SUPT6H: variants seen among roughly 807,000 people sequenced by gnomAD.
SUPT6H encodes the protein SPT6 homolog, histone chaperone and transcription elongation factor, also known as transcription elongation factor SPT6.
In SUPT6H, 11 loss-of-function variants were observed where a neutral mutation model predicts 222.3. The ratio of observed to expected loss-of-function variants is 0.05; its 90% CI spans 0.03 to 0.08. The LOEUF (loss-of-function observed/expected upper bound fraction) is 0.08. SUPT6H is among the 10% of genes least tolerant of loss of function. The pLI is 1.00. For synonymous variants in SUPT6H, 762 were observed against 801.2 expected (o/e 0.95, Z 0.83); for missense variants, 1,422 against 2,216.0 (o/e 0.64, Z 7.19).
chr17:28,663,599 C>T (rs912711088), intron 1 of SUPT6H, among the ~76,000 whole-genome samples: 15 of 152,072 alleles, frequency 9.9e-5, no homozygotes, highest in Non-Finnish European at 5.9e-5. Flanking sequence ...TCCTTGTCTT[C>T]CTTCCTGTCC....
Position 28,674,551 on chromosome 17 carries a change from C to T in SUPT6H, c.283C>T (p.Arg95Cys), listed in dbSNP as rs904602955. The T allele has an allele frequency of 3.7e-6, 6 of 1,613,986 alleles. No homozygotes were observed. Among genetic ancestry groups the T allele is most frequent in the East Asian group, 2.2e-5 (1 of 44,894 alleles). The change falls in exon 4 of 37, where the codon CGC becomes TGC. Residue 95 changes from arginine to cysteine, a missense_variant. By Grantham distance (180) the Arg-to-Cys change is radical. Around this residue, in one of 13 missense-constraint regions of SUPT6H, gnomAD observed 89 missense variants for 118.9 expected, o/e 0.75. Coordinates refer to ENST00000314616, the MANE Select transcript of SUPT6H (RefSeq NM_003170.5). ...KKRKRTSFDD[R>C]LEDDDFDLIE... is the part of the protein sequence containing the mutation. ...TGTTTCTTCAGCCTCTTTTGATGAC[C>T]GCCTGGAGGATGATGATTTTGACCT...
Position 28,676,318 on chromosome 17 carries a change from G to A in SUPT6H, c.785G>A (p.Arg262His), listed in dbSNP as rs771938073. 9.3e-6 allele frequency: 15 copies of A among 1,613,824 alleles called. No individual in the cohort carries two copies. In the African/African-American group the frequency reaches 9.3e-5, roughly 10 times the overall value. The change falls in exon 7 of 37, where the codon CGT (arginine) becomes CAT (histidine). Residue 262 changes from arginine (R) to histidine (H), a missense_variant. This residue lies in a region of SUPT6H where 389 missense variants were observed against 544.6 expected (regional missense o/e 0.71). Coordinates refer to ENST00000314616, the MANE Select transcript of SUPT6H (RefSeq NM_003170.5). ...CGCCCCAAGAAGACCACCAAGAAGC[G>A]TGTGAGCCGTAGGAGCATCTTTGAA... The part of the protein sequence containing the change: ...RVRPKKTTKK[R>H]VSRRSIFEMY...
intron 1 of SUPT6H, among the ~76,000 whole-genome samples, chr17:28,665,189 C>T (rs2029941687): frequency 6.6e-6 from 1 of 152,172 alleles, no homozygotes; most frequent in African/African-American, 2.4e-5. Context: ...GCTCTAGTGC[C>T]ATCAGCCTCA....
chr17:28,678,524 G>A (rs1411729960), intron 9 of SUPT6H, 21 bp from the exon 10 acceptor site: 5 of 1,610,076 alleles, frequency 3.1e-6, no homozygotes, highest in South Asian at 1.1e-5. Flanking sequence ...CTGAGTGACT[G>A]CAGTCTCTTT....
chr17:28,674,136 T>C, intron 2 of SUPT6H, 147 bp from the exon 3 acceptor site: 1 of 880,126 alleles, frequency 1.1e-6, no homozygotes, highest in Non-Finnish European at 1.7e-6. Flanking sequence ...TCAATGGCTA[T>C]GTTTTGCATC....
chr17:28,686,301 C>T, intron 19 of SUPT6H, 38 bp from the exon 20 acceptor site: 1 of 1,581,484 alleles, frequency 6.3e-7, no homozygotes. Context: ...ATCTTTACAT[C>T]CTCAGAGCCA....
In SUPT6H at chr17:28,695,367, C is replaced by A; in HGVS notation, c.3790C>A (p.His1264Asn). 1 of 1,613,594 alleles carries A rather than the reference C, an allele frequency of 6.2e-7. No homozygotes were observed. Among genetic ancestry groups the A allele is most frequent in the South Asian group, 1.1e-5 (1 of 91,024 alleles). The change falls in exon 29 of 37, where the codon CAC (histidine) becomes AAC (asparagine). Residue 1264 changes from histidine (H) to asparagine (N), a missense_variant. Around this residue, in one of 13 missense-constraint regions of SUPT6H, gnomAD observed 39 missense variants for 124.2 expected, o/e 0.31. Transcript: ENST00000314616. ...GTGGATCTAGGTGGGAATGACTGTT[C>A]ACTGCCGCATCATGAAGATTGACAT... ...EERVKVGMTV[H>N]CRIMKIDIEK...
At chr17:28,680,253 C>A (rs1023754296) in intron 11 of SUPT6H, among the ~76,000 whole-genome samples, 1 of 152,024 alleles carries the variant, frequency 6.6e-6, no homozygotes, top group African/African-American at 2.4e-5. Flanking sequence ...TTGCAATGAG[C>A]CGAGATCGTG....
intron 1 of SUPT6H, among the ~76,000 whole-genome samples, chr17:28,668,843 A>G (rs1458912246): frequency 6.6e-6 from 1 of 152,190 alleles, no homozygotes; most frequent in Non-Finnish European, 1.5e-5. Context: ...TTAAAATTAG[A>G]GCTCTAGATT....
intron 1 of SUPT6H, among the ~76,000 whole-genome samples, chr17:28,666,313 C>T (rs2030005695): frequency 6.6e-6 from 1 of 152,206 alleles, no homozygotes; most frequent in Admixed American, 6.5e-5. Context: ...CATTCATTTA[C>T]ATGTTATGTA....
intron 16 of SUPT6H, 40 bp downstream of exon 16, chr17:28,683,462 C>CT: frequency 6.2e-7 from 1 of 1,609,960 alleles, no homozygotes; most frequent in Non-Finnish European, 8.5e-7. Flanking sequence ...TGGGGAAGGC[C>CT]TGATGAGGAG....
intron 19 of SUPT6H, 87 bp downstream of exon 19, chr17:28,685,048 A>G (rs2031313633): frequency 7.9e-7 from 1 of 1,266,250 alleles, no homozygotes; most frequent in Non-Finnish European, 1.1e-6. Flanking sequence ...TCTAAGCAAC[A>G]TCCTATGCAA....
intron 1 of SUPT6H, 136 bp from the exon 2 acceptor site, chr17:28,673,230 CTTCTT>C (rs2151614229): frequency 1.8e-6 from 1 of 557,718 alleles, no homozygotes; most frequent in African/African-American, 1.9e-5. Flanking sequence ...CCATCAGATT[CTTCTT>C]TTCTTCTCCC....
chr17:28,677,242 C>T (rs1442144646), intron 7 of SUPT6H, among the ~76,000 whole-genome samples: 2 of 151,762 alleles, frequency 1.3e-5, no homozygotes, highest in African/African-American at 4.8e-5. Flanking sequence ...ATTAGCTGGG[C>T]GTTGACAGCA....
At chr17:28,674,717 A>G (rs2030634101) in intron 4 of SUPT6H, 104 bp downstream of exon 4, 4 of 1,103,802 alleles carry the variant, frequency 3.6e-6, no homozygotes, top group Non-Finnish European at 5.5e-6. Flanking sequence ...TTTGGAGAAC[A>G]TTAGAGCACG....
Position 28,695,500 on chromosome 17 carries a change from C to T in SUPT6H, c.3923C>T (p.Ala1308Val), listed in dbSNP as rs746331818. 2 of 1,613,952 alleles carry T rather than the reference C, an allele frequency of 1.2e-6. No homozygotes were observed. The highest frequency in any genetic ancestry group is 2.2e-5 in the South Asian group (2 of 91,080). ...TACTATGACTTTGATGCTGAAGCTG[C>T]AGACCACAAGCAGGAGGAGGACATG... ...DTYYDFDAEA[A>V]DHKQEEDMKR... is the part of the protein sequence containing the mutation. Residue 1308 changes from alanine to valine, a missense_variant, in exon 29 of 37, where the codon GCA becomes GTA. Coordinates refer to ENST00000314616, the MANE Select transcript of SUPT6H (RefSeq NM_003170.5).
chr17:28,684,489 C>T lies in SUPT6H; in HGVS notation c.2230-97C>T, dbSNP rs996427305. 53 of 1,450,712 alleles carry T rather than the reference C, an allele frequency of 3.7e-5. No homozygotes were observed. In the African/African-American group the frequency reaches 6.1e-4, roughly 17 times the overall value. 89.9% of individuals were successfully genotyped at this position (1,450,712 alleles called of 1,614,324 possible). On this transcript the variant is annotated intron_variant, in intron 17 of 36. Transcript: ENST00000314616. The stretch of plus-strand genomic sequence containing the variant: ...CTGCACATAAGAGTACACACCCTCG[C>T]ACATGTGTGTATGAGTGTGTTTCCA...
chr17:28,665,248 A>G (rs1490865094), intron 1 of SUPT6H, among the ~76,000 whole-genome samples: 4 of 151,568 alleles, frequency 2.6e-5, no homozygotes, highest in Non-Finnish European at 5.9e-5. Context: ...CTCTACTGGA[A>G]CCTCTCCTCC....
In SUPT6H at chr17:28,676,276, A is replaced by T. The variant is rs779841026; in HGVS notation, c.743A>T (p.Glu248Val). The change falls in exon 7 of 37, where the codon GAG becomes GTG. Residue 248 changes from glutamate (E) to valine (V), a missense_variant. Glu to Val is a moderately radical substitution (Grantham distance 121). Coordinates refer to ENST00000314616, the MANE Select transcript of SUPT6H (RefSeq NM_003170.5). Reference protein sequence around the residue: ...EEYEYEDDEAEGEIRVRPKKT... With the variant: ...EEYEYEDDEAVGEIRVRPKKT... ...TATGAGTATGAGGATGATGAGGCTG[A>T]GGGTGAAATCCGAGTGCGCCCCAAG... The T allele has an allele frequency of 6.2e-7, 1 of 1,613,888 alleles. No homozygotes were observed. The highest frequency in any genetic ancestry group is 1.3e-5 in the African/African-American group (1 of 74,868).
Sources: allele counts gnomAD v4.1 joint callset (sites outside exome capture counted in the v4.1 genomes callset), GRCh38; gene constraint gnomAD v4.1.1; regional missense constraint gnomAD v4.1.1; transcripts MANE v1.5; gene names NCBI Gene and HGNC (gene_info 2026-07-23, HGNC 2026-07-21).